The following PIEZO2 variants were observed in gnomAD, a reference collection of about 807,000 sequenced individuals.
PIEZO2 encodes the protein piezo-type mechanosensitive ion channel component 2.
In PIEZO2, 172 loss-of-function variants were observed where a neutral mutation model predicts 337.3. That is an observed-to-expected ratio of 0.51 (90% CI 0.45 to 0.58). The LOEUF is 0.58. Ranked by LOEUF, PIEZO2 falls within the 20% of genes least tolerant of loss-of-function variation. The pLI is 0.00. For synonymous variants in PIEZO2, 1,251 were observed against 1,228.5 expected (o/e 1.02, Z -0.38); for missense variants, 3,028 against 3,391.3 (o/e 0.89, Z 2.66).
In PIEZO2 at chr18:10,681,661, G is replaced by A. The variant is rs746879076; in HGVS notation, c.7779C>T (p.Thr2593=). 1.1e-5 allele frequency: 17 copies of A among 1,578,356 alleles called. No homozygotes were observed. Among genetic ancestry groups the A allele is most frequent in the South Asian group, 3.3e-5 (3 of 90,198 alleles). The part of the protein sequence containing the change: ...NKFIQAFSRD[T]GAMQFLENYE... The stretch of plus-strand genomic sequence containing the variant: ...AAATCTACTATAGGGATTTACTTAC[G>A]GTGTCCCTAGAAAAAGCTTGTATAA... Residue 2593 remains threonine, a splice_region_variant and synonymous_variant, in exon 51 of 56, where the codon ACC becomes ACT. Transcript: ENST00000674853.
At chr18:10,782,359 A>T (rs1301998191) in intron 17 of PIEZO2, among the ~76,000 whole-genome samples, 1 of 54,284 alleles carries the variant, frequency 1.8e-5, no homozygotes, top group African/African-American at 1.1e-4. Flanking sequence ...TATTATAATT[A>T]TATATAAATA....
rs1311832350 is a variant in PIEZO2, at chr18:10,871,233, A to G, written c.492+20T>C. On this transcript the variant is annotated intron_variant, in intron 5 of 55. Coordinates refer to ENST00000674853, the MANE Select transcript of PIEZO2 (RefSeq NM_001378183.1). ...GGTCCTCAGAAATCAAAGAAGGAAG[A>G]GACATGGAGTTGGATTTACCAATTC... 7.8e-6 allele frequency: 12 copies of G among 1,531,294 alleles called. No homozygotes were observed. The Middle Eastern group carries it at 5.1e-4, about 65-fold the overall frequency. 94.9% of individuals were successfully genotyped at this position (1,531,294 alleles called of 1,614,324 possible).
At chr18:10,769,470 C>T (rs551582207) in intron 21 of PIEZO2, among the ~76,000 whole-genome samples, 18 of 152,308 alleles carry the variant, frequency 1.2e-4, no homozygotes, top group African/African-American at 4.3e-4. Context: ...ATATATGTAA[C>T]TTTTTAAAGA....
At chr18:11,053,315 C>A (rs183630499) in intron 2 of PIEZO2, among the ~76,000 whole-genome samples, 30 of 152,270 alleles carry the variant, frequency 2.0e-4, no homozygotes, top group Admixed American at 9.2e-4. Flanking sequence ...TATTTCTTTA[C>A]TAATATTTAG....
intron 1 of PIEZO2, among the ~76,000 whole-genome samples, chr18:11,091,109 G>A (rs1224368453): frequency 6.6e-6 from 1 of 151,870 alleles, no homozygotes; most frequent in Non-Finnish European, 1.5e-5. Context: ...ATTCAGGCCC[G>A]GCGCAGTGGC....
At chr18:11,117,087 C>T (rs1472897093) in intron 1 of PIEZO2, among the ~76,000 whole-genome samples, 1 of 152,138 alleles carries the variant, frequency 6.6e-6, no homozygotes, top group African/African-American at 2.4e-5. Flanking sequence ...GCCTGGGCAA[C>T]AGAGCAAGAT....
chr18:10,875,835 A>G (rs919473409), intron 4 of PIEZO2, among the ~76,000 whole-genome samples: 3 of 152,298 alleles, frequency 2.0e-5, no homozygotes, highest in African/African-American at 7.2e-5. Flanking sequence ...ACATTTTATA[A>G]CACACATATA....
chr18:10,751,610 C>T (rs562410875), intron 28 of PIEZO2, among the ~76,000 whole-genome samples: 37 of 152,304 alleles, frequency 2.4e-4, no homozygotes, highest in African/African-American at 8.9e-4. Context: ...CACGTGCCCC[C>T]CCGAAAATCA....
At position 10,969,406 on chromosome 18, in the gene PIEZO2, T is replaced by C. The variant is rs1419034468; in HGVS notation, c.286+10129A>G. On this transcript the variant is annotated intron_variant, in intron 3 of 55. Coordinates refer to ENST00000674853, the MANE Select transcript of PIEZO2 (RefSeq NM_001378183.1). This position sits in a 1 kb window ranked among gnomAD's most constrained non-coding sequence, Gnocchi z 4.5. ...GGTGGGGAGCAGACGGGCGTGAGGA[T>C]CATGACTCCCTGTTACTCATCTAGG... 6.6e-6 allele frequency among the ~76,000 whole-genome samples: 1 copy of C among 152,114 alleles called. No individual in the cohort carries two copies. The highest frequency in any genetic ancestry group is 2.4e-5 in the African/African-American group (1 of 41,434).
intron 2 of PIEZO2, among the ~76,000 whole-genome samples, chr18:11,059,965 C>A (rs1383254940): frequency 6.6e-6 from 1 of 152,174 alleles, no homozygotes; most frequent in Non-Finnish European, 1.5e-5. Flanking sequence ...TTCTTCTCAG[C>A]ACCACACCGC....
At chr18:10,700,148 G>A (rs2035272342) in intron 43 of PIEZO2, among the ~76,000 whole-genome samples, 1 of 152,230 alleles carries the variant, frequency 6.6e-6, no homozygotes, top group East Asian at 1.9e-4. Flanking sequence ...TTTAAGAGTT[G>A]TTTCCTCTTT....
intron 1 of PIEZO2, among the ~76,000 whole-genome samples, chr18:11,136,851 G>A (rs574254421): frequency 6.6e-6 from 1 of 152,280 alleles, no homozygotes; most frequent in Admixed American, 6.5e-5. Flanking sequence ...ATGTAATACT[G>A]CAACTGATTA....
chr18:10,897,016 C>G, intron 4 of PIEZO2, among the ~76,000 whole-genome samples: 1 of 152,156 alleles, frequency 6.6e-6, no homozygotes, highest in Non-Finnish European at 1.5e-5. Flanking sequence ...AATGTCTATC[C>G]TCAAATCCTA....
intron 17 of PIEZO2, among the ~76,000 whole-genome samples, chr18:10,780,725 G>GT (rs1568048867): frequency 2.1e-5 from 3 of 140,234 alleles, no homozygotes; most frequent in Non-Finnish European, 3.0e-5. Context: ...GTGCAGTGAC[G>GT]TATCTTAGCT....
intron 2 of PIEZO2, among the ~76,000 whole-genome samples, chr18:11,036,743 A>G (rs1270857540): frequency 6.6e-6 from 1 of 152,194 alleles, no homozygotes; most frequent in Admixed American, 6.5e-5. Flanking sequence ...CATTAAAATC[A>G]TAATAAAATT....
At chr18:11,142,630 A>C (rs1215799026) in intron 1 of PIEZO2, among the ~76,000 whole-genome samples, 2 of 151,938 alleles carry the variant, frequency 1.3e-5, no homozygotes, top group Non-Finnish European at 2.9e-5. Flanking sequence ...AAATACAAAA[A>C]ATTAGCGGAC....
intron 3 of PIEZO2, among the ~76,000 whole-genome samples, chr18:10,956,979 A>AC (rs1480492947): frequency 7.3e-5 from 9 of 123,854 alleles, no homozygotes; most frequent in East Asian, 2.1e-4. Context: ...CAAAAAAAAA[A>AC]AAAAAAAGAA....
chr18:10,848,828 T>A (rs2041445848), intron 7 of PIEZO2, among the ~76,000 whole-genome samples: 1 of 152,192 alleles, frequency 6.6e-6, no homozygotes, highest in East Asian at 1.9e-4. Flanking sequence ...AATAAATCTA[T>A]AGGTTCCAAG....
intron 1 of PIEZO2, among the ~76,000 whole-genome samples, chr18:11,088,590 C>A (rs1454461105): frequency 6.6e-6 from 1 of 152,214 alleles, no homozygotes; most frequent in African/African-American, 2.4e-5. Context: ...CCGTTTCTCA[C>A]ATCCAGGCAG....
Sources: allele counts gnomAD v4.1 joint callset (sites outside exome capture counted in the v4.1 genomes callset), GRCh38; gene constraint gnomAD v4.1.1; non-coding constraint Gnocchi (gnomAD v3.1); transcripts MANE v1.5; gene names NCBI Gene and HGNC (gene_info 2026-07-23, HGNC 2026-07-21).